KIDINS220: variants seen among roughly 807,000 people sequenced by gnomAD.
The protein encoded by KIDINS220 is kinase D-interacting substrate of 220 kDa.
In KIDINS220, 63 loss-of-function variants were observed where a neutral mutation model predicts 157.6. The observed-to-expected ratio is 0.40, with a 90% CI of 0.33 to 0.49. The LOEUF is 0.49. Ranked by LOEUF, KIDINS220 falls within the 20% of genes least tolerant of loss-of-function variation. The probability of loss-of-function intolerance (pLI) is 0.66; values close to 1 mark genes in which losing one functional copy is unlikely to be tolerated. For synonymous variants in KIDINS220, 732 were observed against 783.6 expected (o/e 0.93, Z 1.10); for missense variants, 1,772 against 2,171.2 (o/e 0.82, Z 3.65).
Position 8,812,438 on chromosome 2 carries a change from T to C in KIDINS220, c.461A>G (p.His154Arg). 6.3e-7 allele frequency: 1 copy of C among 1,599,080 alleles called. No individual in the cohort carries two copies. The highest frequency in any genetic ancestry group is 8.5e-7 in the Non-Finnish European group (1 of 1,172,572). Residue 154 changes from histidine to arginine, a missense_variant, in exon 6 of 30, where the codon CAT (histidine) becomes CGT (arginine). His to Arg is a conservative substitution (Grantham distance 29). Around this residue, in one of 3 missense-constraint regions of KIDINS220, gnomAD observed 254 missense variants for 268.6 expected, o/e 0.95. Coordinates refer to ENST00000256707, the MANE Select transcript of KIDINS220 (RefSeq NM_020738.4). ...TTTAGCACCATTTTGCAGTAAAAGATGAACTATATCTGCATGGCCTCTCCC... is the reference window on the plus strand; with the variant it reads ...TTTAGCACCATTTTGCAGTAAAAGACGAACTATATCTGCATGGCCTCTCCC... Reference protein sequence around the residue: ...AAGRGHADIVHLLLQNGAKVN... With the variant: ...AAGRGHADIVRLLLQNGAKVN...
rs537109927 is a variant in KIDINS220, at chr2:8,780,958, G to A, written c.2230-1144C>T. Among the ~76,000 whole-genome samples, 22 of 151,502 alleles carry A rather than the reference G, an allele frequency of 1.5e-4. No individual in the cohort carries two copies. The South Asian group carries it at 4.2e-3, about 29-fold the overall frequency. On this transcript the variant is annotated intron_variant, in intron 17 of 29. Transcript: ENST00000256707. ...ATCAAAACCAATTATCCCTTTGAGCGTCAGTGTTCTAAAGATATCAATTAA... is the reference window on the plus strand; with the variant it reads ...ATCAAAACCAATTATCCCTTTGAGCATCAGTGTTCTAAAGATATCAATTAA...
At position 8,788,640 on chromosome 2, in the gene KIDINS220, A is replaced by AACTC. The variant is rs749699521; in HGVS notation, c.1787+3_1787+6dup. On this transcript the variant is annotated splice_region_variant and intron_variant, in intron 15 of 29. Transcript: ENST00000256707. Reference sequence around the variant, plus strand: ...GAAGATTTCTTCTGTCAAATGGTACAACTCACCTCACAGGTAAAGCTTTAG... The same window carrying AACTC: ...GAAGATTTCTTCTGTCAAATGGTACAACTCACTCACCTCACAGGTAAAGCTTTAG... 7 of 1,610,052 alleles carry AACTC rather than the reference A, an allele frequency of 4.3e-6. No individual in the cohort carries two copies. The Admixed American group carries it at 1.2e-4, about 27-fold the overall frequency.
At chr2:8,780,791 T>C (rs148633492) in intron 17 of KIDINS220, among the ~76,000 whole-genome samples, 1 of 151,004 alleles carries the variant, frequency 6.6e-6, no homozygotes, top group Non-Finnish European at 1.5e-5. Flanking sequence ...ACAACTGATA[T>C]GCTAAGAAAG....
At chr2:8,737,454 T>A (rs887182755) in intron 26 of KIDINS220, among the ~76,000 whole-genome samples, 4 of 152,212 alleles carry the variant, frequency 2.6e-5, no homozygotes, top group African/African-American at 9.6e-5. Flanking sequence ...TAAGCAACTT[T>A]GAGTGTTTCT....
intron 26 of KIDINS220, among the ~76,000 whole-genome samples, chr2:8,742,941 C>T (rs1558324009): frequency 6.6e-6 from 1 of 152,132 alleles, no homozygotes; most frequent in African/African-American, 2.4e-5. Context: ...ACAGTTACCA[C>T]CAGGAGCAGC....
rs201725542 is a variant in KIDINS220, at chr2:8,750,197, G to T, written c.3329C>A (p.Pro1110His). Residue 1110 changes from proline to histidine, a missense_variant, in exon 24 of 30, where the codon CCC becomes CAC. Pro to His is a moderately conservative substitution (Grantham distance 77). Around this residue, in one of 3 missense-constraint regions of KIDINS220, gnomAD observed 793 missense variants for 885.5 expected, o/e 0.90. Coordinates refer to ENST00000256707, the MANE Select transcript of KIDINS220 (RefSeq NM_020738.4). ...TGGTGACACCACTCCACCTGCGAAG[G>T]GCCCATTGAAGGACGTGGAAGAGCA... ...SVCSSTSFNG[P>H]FAGGVVSPQP... 1 of 1,614,176 alleles carries T rather than the reference G, an allele frequency of 6.2e-7. No homozygotes were observed. Among genetic ancestry groups the T allele is most frequent in the African/African-American group, 1.3e-5 (1 of 75,028 alleles).
At chr2:8,745,439 C>G (rs1241446628) in intron 26 of KIDINS220, among the ~76,000 whole-genome samples, 3 of 152,164 alleles carry the variant, frequency 2.0e-5, no homozygotes, top group Non-Finnish European at 4.4e-5. Context: ...AACCTCTCAA[C>G]GAAAGCACCA....
At position 8,793,876 on chromosome 2, in the gene KIDINS220, C is replaced by A; in HGVS notation, c.1210G>T (p.Gly404Cys). 1 of 1,613,828 alleles carries A rather than the reference C, an allele frequency of 6.2e-7. No individual in the cohort carries two copies. The highest frequency in any genetic ancestry group is 8.5e-7 in the Non-Finnish European group (1 of 1,179,922). ...GRLLYRPNKA[G>C]ETPYNIDCSH... Reference sequence around the variant, plus strand: ...CAGTCAATATTATAAGGAGTCTCGCCTGCTTTGTTGGGCCTATAAAGTAAT... The same window carrying A: ...CAGTCAATATTATAAGGAGTCTCGCATGCTTTGTTGGGCCTATAAAGTAAT... The change falls in exon 12 of 30, where the codon GGC becomes TGC. Residue 404 changes from glycine (G) to cysteine (C), a missense_variant. Coordinates refer to ENST00000256707, the MANE Select transcript of KIDINS220 (RefSeq NM_020738.4).
rs1317451383 is a variant in KIDINS220, at chr2:8,815,686, A to C, written c.306+1932T>G. On this transcript the variant is annotated intron_variant, in intron 4 of 29. Transcript: ENST00000256707. Reference sequence around the variant, plus strand: ...TCCGTCTCAGGGGGAAAAAAAAATAAAGAATAATGTCCCTCTGGCCCCCTA... The same window carrying C: ...TCCGTCTCAGGGGGAAAAAAAAATACAGAATAATGTCCCTCTGGCCCCCTA... Among the ~76,000 whole-genome samples, 4 of 152,176 alleles carry C rather than the reference A, an allele frequency of 2.6e-5. No individual in the cohort carries two copies. The East Asian group carries it at 5.8e-4, about 22-fold the overall frequency.
chr2:8,731,246 T>C lies in KIDINS220; in HGVS notation c.4790A>G (p.His1597Arg), dbSNP rs1209695455. ...GVRSSESSPN[H>R]SLHNEVADDS... ...ATCCGCCACTTCATTGTGCAGAGAG[T>C]GATTGGGAGAACTTTCACTGGATCT... The change falls in exon 30 of 30, where the codon CAC (histidine) becomes CGC (arginine). Residue 1597 changes from histidine to arginine, a missense_variant. By Grantham distance (29) the His-to-Arg change is conservative. This residue lies in a region of KIDINS220 where 793 missense variants were observed against 885.5 expected (regional missense o/e 0.90). Transcript: ENST00000256707. The surrounding 1 kb of genome is among the most constrained non-coding windows in gnomAD (Gnocchi z 5.2). The C allele has an allele frequency of 1.2e-6, 2 of 1,613,988 alleles. No individual in the cohort carries two copies. Among genetic ancestry groups the C allele is most frequent in the East Asian group, 2.2e-5 (1 of 44,872 alleles).
intron 2 of KIDINS220, among the ~76,000 whole-genome samples, chr2:8,823,675 A>G (rs1009209533): frequency 6.6e-6 from 1 of 152,152 alleles, no homozygotes; most frequent in Non-Finnish European, 1.5e-5. Context: ...TTTCCTTCCA[A>G]GTGAAGCTGT....
chr2:8,772,939 T>C (rs1181006356), intron 21 of KIDINS220, among the ~76,000 whole-genome samples: 1 of 152,168 alleles, frequency 6.6e-6, no homozygotes, highest in Non-Finnish European at 1.5e-5. Flanking sequence ...CCCAAGTCTT[T>C]TGCCTTCAAA....
rs776465715 is a variant in KIDINS220, at chr2:8,751,517, A to G, written c.3139T>C (p.Phe1047Leu). The G allele has an allele frequency of 2.1e-5, 34 of 1,613,636 alleles. No individual in the cohort carries two copies. Among genetic ancestry groups the G allele is most frequent in the Middle Eastern group, 1.6e-4 (1 of 6,080 alleles). The change falls in exon 23 of 30, where the codon TTT becomes CTT. Residue 1047 changes from phenylalanine to leucine, a missense_variant. By Grantham distance (22) the Phe-to-Leu change is conservative. Coordinates refer to ENST00000256707, the MANE Select transcript of KIDINS220 (RefSeq NM_020738.4). ...PVLVARDVKV[F>L]LPCTVNLDPK... Reference sequence around the variant, plus strand: ...TCTAGGTTTACAGTGCATGGCAAAAAGACTTTTACATCTCGAGCCACAAGA... The same window carrying G: ...TCTAGGTTTACAGTGCATGGCAAAAGGACTTTTACATCTCGAGCCACAAGA...
intron 22 of KIDINS220, among the ~76,000 whole-genome samples, chr2:8,760,814 A>G (rs1333130220): frequency 6.6e-6 from 1 of 152,206 alleles, no homozygotes; most frequent in Non-Finnish European, 1.5e-5. Flanking sequence ...CTTTTGCATA[A>G]GATCTGGAGA....
At chr2:8,799,054 C>A (rs777396410) in intron 9 of KIDINS220, among the ~76,000 whole-genome samples, 1 of 152,060 alleles carries the variant, frequency 6.6e-6, no homozygotes, top group Non-Finnish European at 1.5e-5. Context: ...AAAAAATGTA[C>A]ACTAGCTGCC....
At position 8,817,688 on chromosome 2, in the gene KIDINS220, G is replaced by A. The variant is rs750730632; in HGVS notation, c.236C>T (p.Ser79Leu). The A allele has an allele frequency of 3.7e-6, 6 of 1,606,010 alleles. No homozygotes were observed. In the Admixed American group the frequency reaches 5.1e-5, roughly 14 times the overall value. The change falls in exon 4 of 30, where the codon TCG (serine) becomes TTG (leucine). Residue 79 changes from serine to leucine, a missense_variant. Ser to Leu is a moderately radical substitution (Grantham distance 145). This residue lies in a region of KIDINS220 where 254 missense variants were observed against 268.6 expected (regional missense o/e 0.95). Transcript: ENST00000256707. ...TACGATGTGCACATGCCCTTCTTTC[G>A]ATGCAGATATAAGTGCTGTCCAATT... ...LDNWTALISASKEGHVHIVEE... is the reference protein window; with the variant it reads ...LDNWTALISALKEGHVHIVEE...
chr2:8,754,988 T>C (rs1214633703), intron 22 of KIDINS220, among the ~76,000 whole-genome samples: 3 of 152,240 alleles, frequency 2.0e-5, no homozygotes, highest in Non-Finnish European at 4.4e-5. Flanking sequence ...TCTCAAATAC[T>C]TTCTACCAGT....
intron 17 of KIDINS220, among the ~76,000 whole-genome samples, chr2:8,783,411 G>A (rs918821444): frequency 1.3e-5 from 2 of 152,066 alleles, no homozygotes; most frequent in African/African-American, 4.8e-5. Context: ...GATCAGGAAC[G>A]AGGCAAGATT....
At chr2:8,789,473 A>G (rs972018009) in intron 14 of KIDINS220, among the ~76,000 whole-genome samples, 8 of 151,966 alleles carry the variant, frequency 5.3e-5, no homozygotes, top group Admixed American at 2.0e-4. Flanking sequence ...TATATTTAGT[A>G]GAGACGGGGT....
Sources: gnomAD v4.1 joint callset for allele counts (sites outside exome capture counted in the v4.1 genomes callset) on GRCh38, gnomAD v4.1.1 for gene constraint, gnomAD v4.1.1 regional missense constraint, Gnocchi (gnomAD v3.1) non-coding constraint, MANE v1.5 for transcripts, NCBI Gene and HGNC (gene_info 2026-07-23, HGNC 2026-07-21) for gene names.